Variants in PTPRB observed in about 807,000 individuals in gnomAD.
PTPRB encodes protein tyrosine phosphatase receptor type B, also known as receptor-type tyrosine-protein phosphatase beta.
In PTPRB, 97 loss-of-function variants were observed where a neutral mutation model predicts 238.1. The ratio of observed to expected loss-of-function variants is 0.41; its 90% CI spans 0.35 to 0.48. The LOEUF (loss-of-function observed/expected upper bound fraction) is 0.48. Among genes scored for constraint, PTPRB ranks in the 20% least tolerant of loss-of-function variants. The pLI, the probability that PTPRB is intolerant of heterozygous loss-of-function variation, is 0.30. For synonymous variants in PTPRB, 970 were observed against 995.4 expected, an observed-to-expected ratio of 0.97 and a Z score of 0.48; for missense variants, 2,292 against 2,681.9, an observed-to-expected ratio of 0.85 and a Z score of 3.21.
At chr12:70,555,817 G>A (rs1443509273) in intron 19 of PTPRB, 53 bp downstream of exon 19, 3 of 1,586,304 alleles carry the variant, frequency 1.9e-6, no homozygotes, top group Non-Finnish European at 1.7e-6. Flanking sequence ...AAGGTGCACA[G>A]CCCCTTCACT....
rs187527621 is a variant in PTPRB at position 70,615,596 on chromosome 12, G to A, written c.709-6257C>T. Among the ~76,000 whole-genome samples, 8 of 152,292 alleles carry A rather than the reference G, an allele frequency of 5.3e-5. No individual in the cohort carries two copies. In the East Asian group the frequency reaches 1.3e-3, roughly 26 times the overall value. On this transcript the variant is annotated intron_variant, in intron 3 of 33. Coordinates refer to ENST00000334414, the MANE Select transcript of PTPRB (RefSeq NM_001109754.4). ...AAATAATTTATAATCAGATGTGAGT[G>A]CAAGTGAGCCACTCTTCCAATCAGG...
At chr12:70,562,237 T>G (rs1878581180) in intron 16 of PTPRB, among the ~76,000 whole-genome samples, 1 of 152,140 alleles carries the variant, frequency 6.6e-6, no homozygotes. Flanking sequence ...GGAGCCATGA[T>G]GGCATCACTG....
At chr12:70,611,363 A>C (rs554069370) in intron 3 of PTPRB, among the ~76,000 whole-genome samples, 11 of 152,322 alleles carry the variant, frequency 7.2e-5, no homozygotes, top group African/African-American at 2.6e-4. Context: ...ATTTCAGCTC[A>C]CTGCAACCTC....
intron 14 of PTPRB, among the ~76,000 whole-genome samples, chr12:70,568,577 G>C (rs781579440): frequency 6.6e-6 from 1 of 152,152 alleles, no homozygotes; most frequent in Non-Finnish European, 1.5e-5. Flanking sequence ...GATTACAGGC[G>C]TGAGCTACCG....
At chr12:70,591,905 G>A (rs1334356337) in intron 7 of PTPRB, 1 of 239,480 alleles carries the variant, frequency 4.2e-6, no homozygotes, top group Non-Finnish European at 8.2e-6. Flanking sequence ...CATATATAAG[G>A]CACTGGATAG....
intron 26 of PTPRB, chr12:70,539,370 T>C: frequency 1.8e-6 from 1 of 548,664 alleles, no homozygotes; most frequent in Non-Finnish European, 3.2e-6. Context: ...CATTTGAGAT[T>C]TGTTAATTCT....
At chr12:70,632,646 C>G (rs1885508501) in intron 2 of PTPRB, among the ~76,000 whole-genome samples, 1 of 151,164 alleles carries the variant, frequency 6.6e-6, no homozygotes, top group Admixed American at 6.6e-5. Flanking sequence ...AAGGAAAGTA[C>G]TTTCTTCTCT....
chr12:70,573,885 A>G (rs751621436), intron 11 of PTPRB, among the ~76,000 whole-genome samples: 2 of 152,006 alleles, frequency 1.3e-5, no homozygotes, highest in African/African-American at 2.4e-5. Flanking sequence ...CCCCTCCCCA[A>G]CCAGTAAATA....
intron 7 of PTPRB, 105 bp downstream of exon 7, chr12:70,592,177 T>G: frequency 6.7e-7 from 1 of 1,501,030 alleles, no homozygotes; most frequent in East Asian, 2.3e-5. Context: ...GCTCCACTTC[T>G]CAGATTGGGA....
chr12:70,571,683 G>A (rs1880068721), intron 12 of PTPRB, 141 bp downstream of exon 12: 2 of 943,470 alleles, frequency 2.1e-6, no homozygotes, highest in South Asian at 3.6e-5. Context: ...CCATGGCTTG[G>A]CTGAATGATG....
chr12:70,543,479 T>C (rs186209130), intron 22 of PTPRB, among the ~76,000 whole-genome samples: 2 of 152,208 alleles, frequency 1.3e-5, no homozygotes, highest in Admixed American at 1.3e-4. Context: ...TACATTAAAT[T>C]ATAAGTAAAG....
At chr12:70,622,367 C>T in intron 3 of PTPRB, 23 bp downstream of exon 3, 1 of 1,609,358 alleles carries the variant, frequency 6.2e-7, no homozygotes, top group Non-Finnish European at 8.5e-7. Context: ...ACAGACCACA[C>T]TCCACACACC....
At chr12:70,596,668 T>C (rs1371605655) in intron 4 of PTPRB, among the ~76,000 whole-genome samples, 3 of 152,176 alleles carry the variant, frequency 2.0e-5, no homozygotes, top group African/African-American at 7.2e-5. Flanking sequence ...TTTTCAAACA[T>C]TGACAAACAT....
intron 22 of PTPRB, among the ~76,000 whole-genome samples, chr12:70,543,278 T>C (rs1875455662): frequency 6.6e-6 from 1 of 152,230 alleles, no homozygotes. Context: ...TGAAGTTGCA[T>C]TTTAAGATCT....
In PTPRB at chr12:70,559,631, G is replaced by A. The variant is rs1299122260; in HGVS notation, c.4433-7C>T. Reference sequence around the variant, plus strand: ...AGACTGGGAGGACTTGGAGCTGAATGTAGGAGAAAGTGAAAAATCACATAA... The same window carrying A: ...AGACTGGGAGGACTTGGAGCTGAATATAGGAGAAAGTGAAAAATCACATAA... On this transcript the variant is annotated splice_polypyrimidine_tract_variant and splice_region_variant and intron_variant, in intron 17 of 33. Coordinates refer to ENST00000334414, the MANE Select transcript of PTPRB (RefSeq NM_001109754.4). 1.9e-6 allele frequency: 3 copies of A among 1,594,632 alleles called. No homozygotes were observed. Among genetic ancestry groups the A allele is most frequent in the Non-Finnish European group, 1.7e-6 (2 of 1,162,840 alleles).
chr12:70,636,574 A>T (rs750851702), intron 1 of PTPRB, among the ~76,000 whole-genome samples: 1 of 152,192 alleles, frequency 6.6e-6, no homozygotes, highest in Non-Finnish European at 1.5e-5. Context: ...ACAATTTTTT[A>T]AAATTGCATA....
chr12:70,533,319 GA>G (rs1239823019), intron 31 of PTPRB, among the ~76,000 whole-genome samples: 1 of 152,148 alleles, frequency 6.6e-6, no homozygotes, highest in Non-Finnish European at 1.5e-5. Context: ...AAGGACATAG[GA>G]AAGCAGGGCT....
chr12:70,603,197 T>C (rs1230502267), intron 4 of PTPRB, among the ~76,000 whole-genome samples: 1 of 152,198 alleles, frequency 6.6e-6, no homozygotes, highest in Non-Finnish European at 1.5e-5. Flanking sequence ...CTGGGCTGGT[T>C]CATTCCATAT....
chr12:70,609,897 TGC>T, intron 3 of PTPRB: 2 of 1,334,410 alleles, frequency 1.5e-6, no homozygotes, highest in Non-Finnish European at 2.0e-6. Flanking sequence ...GGTCACCTGT[TGC>T]GCGCGCTCAG....
Sources: gnomAD v4.1 joint callset for allele counts (sites outside exome capture counted in the v4.1 genomes callset) on GRCh38, gnomAD v4.1.1 for gene constraint, MANE v1.5 for transcripts, NCBI Gene and HGNC (gene_info 2026-07-23, HGNC 2026-07-21) for gene names.